The following CD247 variants were observed in gnomAD, a reference collection of about 807,000 sequenced individuals.
The protein encoded by CD247 is CD247 molecule, also known as T-cell surface glycoprotein CD3 zeta chain.
In CD247, 13 loss-of-function variants were observed where a neutral mutation model predicts 30.0. That is an observed-to-expected ratio of 0.43 (90% confidence interval 0.28 to 0.69). The LOEUF is 0.69. Among genes scored for constraint, CD247 ranks in the 30% least tolerant of loss-of-function variants. CD247 has a pLI of 0.16. For missense variants in CD247, 193 were observed against 212.6 expected (o/e 0.91, Z 0.57); for synonymous variants, 72 against 80.0 (o/e 0.90, Z 0.53).
chr1:167,430,816 G>C lies in CD247; in HGVS notation c.*865C>G. ...GGTTTTTCCTGTCCTGCCACTGTCC[G>C]CTGGGCAGTTATAGGTCCCATGTGT... On this transcript the variant is annotated 3_prime_UTR_variant, in exon 8 of 8. Coordinates refer to ENST00000362089, the MANE Select transcript of CD247 (RefSeq NM_198053.3). 1 of 398,728 alleles carries C rather than the reference G, an allele frequency of 2.5e-6. No individual in the cohort carries two copies. Among genetic ancestry groups the C allele is most frequent in the Non-Finnish European group, 4.4e-6 (1 of 226,120 alleles). 24.7% of individuals were successfully genotyped at this position (398,728 alleles called of 1,614,324 possible). A position where few individuals can be genotyped will look rare whatever the true frequency, so the allele number is the denominator to read the frequency against.
intron 1 of CD247, chr1:167,448,422 C>G: frequency 1.0e-6 from 1 of 985,372 alleles, no homozygotes; most frequent in Non-Finnish European, 1.2e-6. Context: ...AGGATCGAAC[C>G]ATTATAGCAG....
intron 1 of CD247, among the ~76,000 whole-genome samples, chr1:167,504,094 A>G (rs1341374867): frequency 1.3e-5 from 2 of 152,190 alleles, no homozygotes; most frequent in African/African-American, 4.8e-5. Flanking sequence ...AATGCGGTTC[A>G]TGGCGGGGGG....
chr1:167,484,613 C>T (rs1396909459), intron 1 of CD247, among the ~76,000 whole-genome samples: 3 of 152,210 alleles, frequency 2.0e-5, no homozygotes, highest in African/African-American at 4.8e-5. Flanking sequence ...CCCGTCTCTA[C>T]TAAAAATACA....
intron 1 of CD247, among the ~76,000 whole-genome samples, chr1:167,452,322 G>A (rs1227099683): frequency 6.6e-6 from 1 of 151,802 alleles, no homozygotes; most frequent in African/African-American, 2.4e-5. Flanking sequence ...GCTGAGGCAG[G>A]AGAATCCCTT....
chr1:167,489,052 A>G (rs1189412090), intron 1 of CD247, among the ~76,000 whole-genome samples: 7 of 152,058 alleles, frequency 4.6e-5, no homozygotes, highest in Admixed American at 4.6e-4. Flanking sequence ...GCCGAGAAGC[A>G]CGTAATGGAT....
intron 1 of CD247, among the ~76,000 whole-genome samples, chr1:167,444,257 G>A (rs1235394201): frequency 1.3e-5 from 2 of 152,222 alleles, no homozygotes; most frequent in South Asian, 2.1e-4. Context: ...CACACAAGGT[G>A]TAGGAGCTTC....
intron 1 of CD247, among the ~76,000 whole-genome samples, chr1:167,508,700 T>C (rs2982484): frequency 0.41 from 62,451 of 152,042 alleles, 13,845 homozygotes; most frequent in East Asian, 0.63. Context: ...GAAGCTCTCT[T>C]GGCTGACTCA....
At chr1:167,475,818 G>A (rs1214954479) in intron 1 of CD247, among the ~76,000 whole-genome samples, 1 of 152,096 alleles carries the variant, frequency 6.6e-6, no homozygotes, top group East Asian at 1.9e-4. Context: ...GAGGGGTCGG[G>A]CTGTGGGGGA....
chr1:167,481,153 G>A (rs1194940361), intron 1 of CD247, among the ~76,000 whole-genome samples: 1 of 152,154 alleles, frequency 6.6e-6, no homozygotes, highest in Non-Finnish European at 1.5e-5. Context: ...TGTGTGTGGT[G>A]GCATGTTCAT....
At chr1:167,476,603 T>G (rs1325646586) in intron 1 of CD247, among the ~76,000 whole-genome samples, 1 of 152,124 alleles carries the variant, frequency 6.6e-6, no homozygotes, top group Admixed American at 6.5e-5. Flanking sequence ...CGGGCAGATC[T>G]CTTGAGCTGA....
chr1:167,459,348 CTTTTTTTTT>C (rs34706916), intron 1 of CD247, among the ~76,000 whole-genome samples: 1 of 80,416 alleles, frequency 1.2e-5, no homozygotes, highest in Non-Finnish European at 2.3e-5. Flanking sequence ...CCTTACAACT[CTTTTTTTTT>C]TTTTTTTTTT....
chr1:167,430,652 G>A lies in CD247; in HGVS notation c.*1029C>T. The A allele has an allele frequency of 2.5e-6, 1 of 398,622 alleles. No individual in the cohort carries two copies. Among genetic ancestry groups the A allele is most frequent in the Non-Finnish European group, 4.4e-6 (1 of 226,070 alleles). The allele number at this position is 398,622 out of a possible 1,614,324, so 24.7% of individuals were successfully genotyped here. On this transcript the variant is annotated 3_prime_UTR_variant, in exon 8 of 8. Coordinates refer to ENST00000362089, the MANE Select transcript of CD247 (RefSeq NM_198053.3). ...AGCTTAGTAAAGCTGCATTTTCACT[G>A]AAGCATTTATTATGCAAAATAGGAA...
chr1:167,491,213 C>T (rs1164122767), intron 1 of CD247, among the ~76,000 whole-genome samples: 3 of 152,018 alleles, frequency 2.0e-5, no homozygotes, highest in Admixed American at 6.6e-5. Context: ...GCACTGTGGG[C>T]GGAAAGGTAA....
At chr1:167,490,668 C>T (rs951441175) in intron 1 of CD247, among the ~76,000 whole-genome samples, 3 of 152,096 alleles carry the variant, frequency 2.0e-5, no homozygotes, top group Admixed American at 6.5e-5. Context: ...TACAGTGACT[C>T]ACGCCTGTAA....
At chr1:167,514,713 T>C (rs1655529854) in intron 1 of CD247, among the ~76,000 whole-genome samples, 1 of 152,258 alleles carries the variant, frequency 6.6e-6, no homozygotes, top group Middle Eastern at 3.4e-3. Context: ...AAGAAATTTA[T>C]TTTGAACTAT....
chr1:167,454,669 G>GTTA (rs10691645), intron 1 of CD247, among the ~76,000 whole-genome samples: 150,320 of 152,334 alleles, frequency 0.99, 74,198 homozygotes, highest in East Asian at 1. Flanking sequence ...GATCACTATT[G>GTTA]TTATTATCCA....
intron 1 of CD247, among the ~76,000 whole-genome samples, chr1:167,463,885 A>G (rs866717100): frequency 3.9e-5 from 6 of 152,340 alleles, no homozygotes; most frequent in South Asian, 4.1e-4. Flanking sequence ...TGGTCAGAGA[A>G]ATGGTGACAA....
chr1:167,510,733 C>A (rs1655351235), intron 1 of CD247, among the ~76,000 whole-genome samples: 1 of 152,184 alleles, frequency 6.6e-6, no homozygotes, highest in South Asian at 2.1e-4. Flanking sequence ...ACACAGTAGA[C>A]TCTAGTATCT....
intron 4 of CD247, 51 bp from the exon 5 acceptor site, chr1:167,435,485 C>A (rs751675931): frequency 1.3e-6 from 2 of 1,484,478 alleles, no homozygotes; most frequent in Non-Finnish European, 1.9e-6. Context: ...CAAACCCAAG[C>A]CATGAAAGTA....
Sources: allele counts gnomAD v4.1 joint callset (sites outside exome capture counted in the v4.1 genomes callset), GRCh38; gene constraint gnomAD v4.1.1; transcripts MANE v1.5; gene names NCBI Gene and HGNC (gene_info 2026-07-23, HGNC 2026-07-21).